The following RANBP17 variants were observed in gnomAD, a reference collection of about 807,000 sequenced individuals.
RANBP17 encodes the protein RAN binding protein 17.
Under a neutral mutation model 141.2 loss-of-function variants are expected in RANBP17, and 158 were observed. The observed-to-expected ratio is 1.12, with a 90% CI of 0.98 to 1.28. RANBP17 has a LOEUF of 1.28. Among genes scored for constraint, RANBP17 ranks in the 50% most tolerant of loss-of-function variants. RANBP17 has a pLI of 0.00. For missense variants in RANBP17, 1,438 were observed against 1,290.7 expected (o/e 1.11, Z -1.75); for synonymous variants, 430 against 450.0 (o/e 0.96, Z 0.56).
At chr5:171,061,688 G>T (rs907075406) in intron 14 of RANBP17, among the ~76,000 whole-genome samples, 1 of 152,270 alleles carries the variant, frequency 6.6e-6, no homozygotes, top group East Asian at 1.9e-4. Flanking sequence ...TCCGCTTGGT[G>T]CAGAGCTCAG....
At chr5:171,003,310 G>C (rs1214428075) in intron 14 of RANBP17, among the ~76,000 whole-genome samples, 2 of 152,152 alleles carry the variant, frequency 1.3e-5, no homozygotes, top group African/African-American at 4.8e-5. Context: ...AGAGGAGTGG[G>C]GAAAGGATTT....
chr5:171,190,909 A>G (rs1409257938), intron 18 of RANBP17, among the ~76,000 whole-genome samples: 1 of 152,184 alleles, frequency 6.6e-6, no homozygotes, highest in Non-Finnish European at 1.5e-5. Flanking sequence ...TTCCTTGGAC[A>G]TTTCATGATT....
chr5:170,956,936 G>A (rs1775751349), intron 13 of RANBP17, among the ~76,000 whole-genome samples: 1 of 151,698 alleles, frequency 6.6e-6, no homozygotes. Flanking sequence ...CAGGTGTGGT[G>A]GCGGGCATCT....
At chr5:171,254,178 C>T (rs547486233) in intron 24 of RANBP17, among the ~76,000 whole-genome samples, 11 of 146,608 alleles carry the variant, frequency 7.5e-5, no homozygotes, top group Non-Finnish European at 1.0e-4. Context: ...ACCTGGGGGG[C>T]GGAGGTTGCA....
At chr5:170,896,356 G>A (rs1770121226) in intron 5 of RANBP17, 1 of 415,484 alleles carries the variant, frequency 2.4e-6, no homozygotes, top group Non-Finnish European at 4.2e-6. Flanking sequence ...AATTAGACAT[G>A]GTTCTTGCTC....
chr5:171,048,501 CA>C (rs1238221817), intron 14 of RANBP17, among the ~76,000 whole-genome samples: 2 of 151,396 alleles, frequency 1.3e-5, no homozygotes, highest in African/African-American at 2.4e-5. Context: ...CTTTTAGGTT[CA>C]GGGGTACATG....
At chr5:171,019,456 G>A (rs1470214862) in intron 14 of RANBP17, among the ~76,000 whole-genome samples, 1 of 152,122 alleles carries the variant, frequency 6.6e-6, no homozygotes, top group Non-Finnish European at 1.5e-5. Flanking sequence ...GGTCTATTCA[G>A]GGATTGGAGT....
At chr5:171,247,149 A>C (rs1400367605) in intron 24 of RANBP17, among the ~76,000 whole-genome samples, 6 of 152,354 alleles carry the variant, frequency 3.9e-5, no homozygotes, top group Non-Finnish European at 8.8e-5. Flanking sequence ...CCTAGGAATC[A>C]TTCAAACTCT....
rs184428045 is a variant in RANBP17 at position 170,915,954 on chromosome 5, G to A, written c.835-511G>A. On this transcript the variant is annotated intron_variant, in intron 8 of 27. Coordinates refer to ENST00000523189, the MANE Select transcript of RANBP17 (RefSeq NM_022897.5). The stretch of plus-strand genomic sequence containing the variant: ...TTTGTTAATGAAAAAACATTAGAGG[G>A]GAATACATACAAATAGGAATTTTTA... Among the ~76,000 whole-genome samples, 272 of 152,128 alleles carry A rather than the reference G, an allele frequency of 1.8e-3. 1 individual carries two copies. The highest frequency in any genetic ancestry group is 6.4e-3 in the African/African-American group (266 of 41,522).
intron 14 of RANBP17, among the ~76,000 whole-genome samples, chr5:171,055,973 T>G (rs1783339186): frequency 6.6e-6 from 1 of 151,398 alleles, no homozygotes; most frequent in Non-Finnish European, 1.5e-5. Context: ...CACAAATAGT[T>G]TCGAAATTCT....
chr5:170,897,716 A>G (rs1770257284), intron 5 of RANBP17, among the ~76,000 whole-genome samples: 1 of 152,074 alleles, frequency 6.6e-6, no homozygotes, highest in African/African-American at 2.4e-5. Context: ...AGCTTCATCC[A>G]TGTCCCTGTG....
chr5:171,148,394 A>C (rs955983998), intron 14 of RANBP17, among the ~76,000 whole-genome samples: 14 of 151,764 alleles, frequency 9.2e-5, no homozygotes, highest in Non-Finnish European at 2.1e-4. Context: ...ATAAAAAAAT[A>C]AATTTAAAAA....
chr5:171,030,122 A>G (rs1358423965), intron 14 of RANBP17, among the ~76,000 whole-genome samples: 2 of 152,100 alleles, frequency 1.3e-5, no homozygotes, highest in Admixed American at 6.6e-5. Flanking sequence ...GTCACTAGGA[A>G]GAAGAGAGAT....
rs184131370 is a variant in RANBP17 at position 171,153,755 on chromosome 5, G to A, written c.1711-16375G>A. On this transcript the variant is annotated intron_variant, in intron 14 of 27. Coordinates refer to ENST00000523189, the MANE Select transcript of RANBP17 (RefSeq NM_022897.5). ...TCATGTTTTCCACTTTTCCATTCAA[G>A]ATTGCAAACAGGCTGAGTGCAGTGG... 5.1e-4 allele frequency among the ~76,000 whole-genome samples: 77 copies of A among 152,298 alleles called. 2 individuals are homozygous for A. The highest frequency in any genetic ancestry group is 4.4e-4 in the Non-Finnish European group (30 of 68,028).
chr5:170,996,496 T>G lies in RANBP17; in HGVS notation c.1710+28119T>G, dbSNP rs934200172. On this transcript the variant is annotated intron_variant, in intron 14 of 27. Coordinates refer to ENST00000523189, the MANE Select transcript of RANBP17 (RefSeq NM_022897.5). ...ATAGCTTTTCAGCCACTATACTAGG[T>G]GAATATGAAGAAAGTTTTCTGTTCT... Among the ~76,000 whole-genome samples the G allele has an allele frequency of 5.3e-5, 8 of 152,268 alleles. No homozygotes were observed. The East Asian group carries it at 1.5e-3, about 29-fold the overall frequency.
chr5:171,109,242 CT>C (rs1347067211), intron 14 of RANBP17, among the ~76,000 whole-genome samples: 1 of 152,060 alleles, frequency 6.6e-6, no homozygotes, highest in African/African-American at 2.4e-5. Context: ...GGAAATTTGC[CT>C]TTTTTATGAA....
intron 14 of RANBP17, among the ~76,000 whole-genome samples, chr5:171,026,895 A>T (rs1401324421): frequency 1.3e-5 from 2 of 152,170 alleles, no homozygotes; most frequent in African/African-American, 2.4e-5. Flanking sequence ...CCTGGACTAC[A>T]TGGCAGGAGG....
chr5:170,913,760 T>C (rs1445893291), intron 7 of RANBP17, among the ~76,000 whole-genome samples: 1 of 95,608 alleles, frequency 1.0e-5, no homozygotes, highest in Non-Finnish European at 2.6e-5. Context: ...CGCTATTATT[T>C]GGAAACATGA....
intron 14 of RANBP17, among the ~76,000 whole-genome samples, chr5:171,104,163 G>A (rs189012691): frequency 2.6e-5 from 4 of 152,178 alleles, no homozygotes; most frequent in East Asian, 1.9e-4. Context: ...TCAGCCTTTC[G>A]AGTAGCTGGG....
Sources: allele counts gnomAD v4.1 joint callset (sites outside exome capture counted in the v4.1 genomes callset), GRCh38; gene constraint gnomAD v4.1.1; transcripts MANE v1.5; gene names NCBI Gene and HGNC (gene_info 2026-07-23, HGNC 2026-07-21).